The following DPP10 variants were observed in gnomAD, a reference collection of about 807,000 sequenced individuals.
DPP10 encodes the protein inactive dipeptidyl peptidase 10.
DPP10 carries 33 observed loss-of-function variants against 120.9 expected under a neutral mutation model. That is an observed-to-expected ratio of 0.27 (90% CI 0.21 to 0.37). The LOEUF (loss-of-function observed/expected upper bound fraction) is 0.37. Among genes scored for constraint, DPP10 ranks in the 10% least tolerant of loss-of-function variants. The pLI, the probability that DPP10 is intolerant of heterozygous loss-of-function variation, is 1.00. For synonymous variants in DPP10, 337 were observed against 326.1 expected, an observed-to-expected ratio of 1.03 and a Z score of -0.36; for missense variants, 816 against 942.8, an observed-to-expected ratio of 0.87 and a Z score of 1.76.
chr2:115,415,312 C>T (rs1244290909), intron 3 of DPP10, among the ~76,000 whole-genome samples: 1 of 152,132 alleles, frequency 6.6e-6, no homozygotes. Context: ...AAGTCCTAGC[C>T]GTGCTGGAAA....
intron 1 of DPP10, among the ~76,000 whole-genome samples, chr2:114,652,063 C>G (rs1364065979): frequency 6.6e-6 from 1 of 151,942 alleles, no homozygotes; most frequent in East Asian, 1.9e-4. Flanking sequence ...AGGGTCAGTG[C>G]GTGCAAGGGA....
chr2:114,573,137 C>T (rs2105028940), intron 1 of DPP10, among the ~76,000 whole-genome samples: 1 of 152,218 alleles, frequency 6.6e-6, no homozygotes, highest in Admixed American at 6.5e-5. Flanking sequence ...CACATGCCAC[C>T]ATGCCCAGCT....
intron 1 of DPP10, among the ~76,000 whole-genome samples, chr2:114,911,533 T>C (rs1313295408): frequency 6.6e-6 from 1 of 152,162 alleles, no homozygotes; most frequent in African/African-American, 2.4e-5. Context: ...TCATGGAGAA[T>C]AGAAAAATAC....
At chr2:115,439,589 C>G (rs1226453167) in intron 3 of DPP10, among the ~76,000 whole-genome samples, 1 of 152,086 alleles carries the variant, frequency 6.6e-6, no homozygotes, top group East Asian at 1.9e-4. Context: ...GGAATACATG[C>G]TGTTTTATTT....
intron 1 of DPP10, among the ~76,000 whole-genome samples, chr2:114,481,891 G>A (rs1289213423): frequency 6.6e-6 from 1 of 150,438 alleles, no homozygotes; most frequent in African/African-American, 2.4e-5. Context: ...GAGAGAAGAA[G>A]GAGAAGAGAG....
chr2:115,579,279 C>G (rs1026917891), intron 5 of DPP10: 2 of 152,168 alleles, frequency 1.3e-5, no homozygotes, highest in African/African-American at 4.8e-5. Context: ...AAGGAATACG[C>G]ACACAGATGT....
intron 3 of DPP10, among the ~76,000 whole-genome samples, chr2:115,492,866 A>C (rs2076197964): frequency 1.3e-5 from 2 of 152,158 alleles, no homozygotes; most frequent in Admixed American, 1.3e-4. Flanking sequence ...CTGGCACAGG[A>C]GTTCAGAAGA....
At chr2:115,698,805 T>C (rs1194339085) in intron 7 of DPP10, among the ~76,000 whole-genome samples, 1 of 151,962 alleles carries the variant, frequency 6.6e-6, no homozygotes, top group Non-Finnish European at 1.5e-5. Context: ...TATGGAAGGC[T>C]GAAAGGATTA....
At chr2:114,530,140 T>C (rs369690415) in intron 1 of DPP10, among the ~76,000 whole-genome samples, 1 of 152,164 alleles carries the variant, frequency 6.6e-6, no homozygotes, top group Non-Finnish European at 1.5e-5. Flanking sequence ...TATGTTCTCA[T>C]AACACCTTAT....
intron 1 of DPP10, among the ~76,000 whole-genome samples, chr2:114,925,231 A>AC (rs1173833885): frequency 6.9e-6 from 1 of 144,998 alleles, no homozygotes; most frequent in Non-Finnish European, 1.5e-5. Flanking sequence ...AAAAAAAAAA[A>AC]ATCAGTCAGG....
At chr2:115,334,181 A>C (rs985557624) in intron 2 of DPP10, among the ~76,000 whole-genome samples, 2 of 145,452 alleles carry the variant, frequency 1.4e-5, no homozygotes, top group Non-Finnish European at 3.0e-5. Flanking sequence ...CAACTCCAAA[A>C]GTAATTCTAA....
intron 1 of DPP10, among the ~76,000 whole-genome samples, chr2:115,231,673 T>A (rs1455260014): frequency 6.6e-6 from 1 of 152,222 alleles, no homozygotes; most frequent in African/African-American, 2.4e-5. Context: ...AATAATTTTC[T>A]ATATGTCTGT....
At chr2:115,142,104 T>C (rs1263552121) in intron 1 of DPP10, among the ~76,000 whole-genome samples, 7 of 152,172 alleles carry the variant, frequency 4.6e-5, no homozygotes, top group Non-Finnish European at 1.0e-4. Flanking sequence ...CATAGTTAAA[T>C]AAGATACAGT....
chr2:114,719,094 T>C (rs1054022368), intron 1 of DPP10, among the ~76,000 whole-genome samples: 51 of 152,222 alleles, frequency 3.4e-4, no homozygotes, highest in African/African-American at 1.1e-3. Context: ...ACTATTCCCA[T>C]GTTTGCCTGA....
intron 1 of DPP10, among the ~76,000 whole-genome samples, chr2:115,296,684 G>A (rs2060899059): frequency 6.6e-6 from 1 of 152,024 alleles, no homozygotes; most frequent in African/African-American, 2.4e-5. Flanking sequence ...GCACCACAGT[G>A]CTGAGTATTT....
At chr2:115,158,316 G>A (rs184268083) in intron 1 of DPP10, among the ~76,000 whole-genome samples, 7 of 152,158 alleles carry the variant, frequency 4.6e-5, no homozygotes, top group Middle Eastern at 3.4e-3. Context: ...AATATTTCTA[G>A]GTAAAGAGAG....
intron 3 of DPP10, among the ~76,000 whole-genome samples, chr2:115,375,840 A>G (rs1395886837): frequency 6.6e-6 from 1 of 152,196 alleles, no homozygotes; most frequent in African/African-American, 2.4e-5. Context: ...AGAACTCACT[A>G]TGATGAAAAC....
intron 1 of DPP10, among the ~76,000 whole-genome samples, chr2:114,525,677 C>A (rs942237996): frequency 1.3e-5 from 2 of 152,156 alleles, no homozygotes; most frequent in African/African-American, 4.8e-5. Flanking sequence ...TCGCACAAGT[C>A]ATGTTACTAT....
intron 1 of DPP10, among the ~76,000 whole-genome samples, chr2:114,788,306 C>T (rs1332487476): frequency 6.6e-6 from 1 of 152,086 alleles, no homozygotes; most frequent in African/African-American, 2.4e-5. Flanking sequence ...TATACTCATC[C>T]TATGTTTATC....
Sources: gnomAD v4.1 joint callset for allele counts (sites outside exome capture counted in the v4.1 genomes callset) on GRCh38, gnomAD v4.1.1 for gene constraint, MANE v1.5 for transcripts, NCBI Gene and HGNC (gene_info 2026-07-23, HGNC 2026-07-21) for gene names.